Variants in NELL2 observed in about 807,000 individuals in gnomAD.
NELL2 encodes neural EGFL like 2, also known as protein kinase C-binding protein NELL2.
In NELL2, 41 loss-of-function variants were observed where a neutral mutation model predicts 109.6. The observed-to-expected ratio is 0.37, with a 90% CI of 0.29 to 0.49. NELL2 has a LOEUF of 0.49. NELL2 is among the 20% of genes least tolerant of loss of function. The pLI, the probability that NELL2 is intolerant of heterozygous loss-of-function variation, is 0.98. For missense variants in NELL2, 900 were observed against 1,008.3 expected (o/e 0.89, Z 1.45); for synonymous variants, 355 against 344.7 (o/e 1.03, Z -0.33).
At chr12:44,645,276 A>G (rs1947053621) in intron 13 of NELL2, among the ~76,000 whole-genome samples, 1 of 152,142 alleles carries the variant, frequency 6.6e-6, no homozygotes, top group South Asian at 2.1e-4. Context: ...CCAATTTTTT[A>G]CTTTTAAATT....
intron 3 of NELL2, among the ~76,000 whole-genome samples, chr12:44,795,512 C>T (rs569385704): frequency 7.2e-5 from 11 of 152,236 alleles, no homozygotes; most frequent in Non-Finnish European, 1.3e-4. Context: ...TAAATGGTAA[C>T]TATTTTTATT....
chr12:44,855,092 C>G (rs1944645594), intron 2 of NELL2, among the ~76,000 whole-genome samples: 1 of 152,112 alleles, frequency 6.6e-6, no homozygotes, highest in Admixed American at 6.6e-5. Flanking sequence ...ATATTTTATA[C>G]TAAGTCTTCA....
At chr12:44,619,602 G>A (rs1017360962) in intron 13 of NELL2, among the ~76,000 whole-genome samples, 1 of 147,454 alleles carries the variant, frequency 6.8e-6, no homozygotes, top group Non-Finnish European at 1.5e-5. Context: ...AGAGAAGGAA[G>A]AGGAGAAAGA....
chr12:44,605,152 C>T (rs1945352433), intron 15 of NELL2, among the ~76,000 whole-genome samples: 1 of 152,054 alleles, frequency 6.6e-6, no homozygotes, highest in Admixed American at 6.6e-5. Flanking sequence ...CCCAAAGAAA[C>T]ATACTGGGAT....
intron 9 of NELL2, among the ~76,000 whole-genome samples, chr12:44,746,895 T>A (rs1225822959): frequency 2.6e-5 from 4 of 152,200 alleles, no homozygotes; most frequent in Non-Finnish European, 4.4e-5. Flanking sequence ...GTGTGGCGAT[T>A]CTTCAGGGAT....
intron 15 of NELL2, among the ~76,000 whole-genome samples, chr12:44,533,257 C>T (rs1249196997): frequency 6.6e-6 from 1 of 152,122 alleles, no homozygotes; most frequent in Non-Finnish European, 1.5e-5. Context: ...CCTTACTTAC[C>T]TGGGATGGAC....
intron 1 of NELL2, among the ~76,000 whole-genome samples, chr12:44,890,609 C>T (rs567259636): frequency 1.3e-5 from 2 of 152,128 alleles, no homozygotes; most frequent in African/African-American, 2.4e-5. Flanking sequence ...TAGTCAATCA[C>T]GTCTATGTTT....
upstream of NELL2, among the ~76,000 whole-genome samples, chr12:44,915,143 G>A (rs1592720120): frequency 6.6e-6 from 1 of 152,210 alleles, no homozygotes. Context: ...GAGCCACCGC[G>A]CCTGGCCAAA....
intron 14 of NELL2, 43 bp from the exon 15 acceptor site, chr12:44,607,307 G>C (rs745771406): frequency 2.0e-6 from 3 of 1,533,308 alleles, no homozygotes; most frequent in Non-Finnish European, 2.7e-6. Flanking sequence ...TTAGAAGTAA[G>C]TAGTTTAATA....
chr12:44,907,909 T>C (rs1011553196), intron 1 of NELL2, among the ~76,000 whole-genome samples: 2 of 151,994 alleles, frequency 1.3e-5, no homozygotes, highest in Admixed American at 1.3e-4. Flanking sequence ...TTTTCAGGCA[T>C]CCTACAAGGC....
Position 44,768,667 on chromosome 12 carries a change from C to T in NELL2, c.994+6080G>A, listed in dbSNP as rs74857769. 2.6e-3 allele frequency among the ~76,000 whole-genome samples: 400 copies of T among 152,274 alleles called. 4 individuals carry two copies. Among genetic ancestry groups the T allele is most frequent in the African/African-American group, 8.7e-3 (363 of 41,572 alleles). On this transcript the variant is annotated intron_variant, in intron 9 of 19. Transcript: ENST00000429094. ...AATTTTTTGCTGTGTCATAAAATTC[C>T]TTATTCACTACAGACTTTCAAGAAA...
upstream of NELL2, among the ~76,000 whole-genome samples, chr12:44,916,537 T>A (rs1424245150): frequency 1.3e-5 from 2 of 152,194 alleles, no homozygotes; most frequent in Non-Finnish European, 2.9e-5. Flanking sequence ...GTGATTTTTT[T>A]AAGTTTCCTT....
At chr12:44,913,612 C>A (rs1237406901) in intron 1 of NELL2, among the ~76,000 whole-genome samples, 15 of 151,992 alleles carry the variant, frequency 9.9e-5, no homozygotes, top group Non-Finnish European at 2.2e-4. Context: ...GTGAATTTAG[C>A]AAAGAAATTC....
chr12:44,746,803 G>A (rs1203061722), intron 9 of NELL2, among the ~76,000 whole-genome samples: 1 of 152,096 alleles, frequency 6.6e-6, no homozygotes, highest in Non-Finnish European at 1.5e-5. Context: ...GAAACAACAG[G>A]TGCTGGAGAG....
intron 13 of NELL2, among the ~76,000 whole-genome samples, chr12:44,650,700 G>A (rs373669150): frequency 7.2e-5 from 11 of 152,086 alleles, no homozygotes; most frequent in Non-Finnish European, 1.2e-4. Flanking sequence ...AGGGTGGGGC[G>A]CTGATGCAAT....
chr12:44,516,539 G>A (rs1344174261), intron 19 of NELL2, among the ~76,000 whole-genome samples: 1 of 152,102 alleles, frequency 6.6e-6, no homozygotes, highest in East Asian at 1.9e-4. Flanking sequence ...TATAATTTTA[G>A]TTTACAATTA....
At chr12:44,598,681 C>A (rs1206857148) in intron 15 of NELL2, among the ~76,000 whole-genome samples, 1 of 152,072 alleles carries the variant, frequency 6.6e-6, no homozygotes, top group Admixed American at 6.6e-5. Context: ...TTATAACTGA[C>A]CTCATTGAAA....
intron 13 of NELL2, among the ~76,000 whole-genome samples, chr12:44,653,086 T>C (rs1300284154): frequency 1.3e-5 from 2 of 152,190 alleles, no homozygotes; most frequent in South Asian, 2.1e-4. Flanking sequence ...TAAGGTAGCA[T>C]ATTATTCACA....
chr12:44,671,704 G>C (rs753371187), intron 12 of NELL2, among the ~76,000 whole-genome samples: 1 of 152,208 alleles, frequency 6.6e-6, no homozygotes, highest in Non-Finnish European at 1.5e-5. Flanking sequence ...AACCTACCAA[G>C]ACTGAACCAG....
Sources: gnomAD v4.1 joint callset for allele counts (sites outside exome capture counted in the v4.1 genomes callset) on GRCh38, gnomAD v4.1.1 for gene constraint, MANE v1.5 for transcripts, NCBI Gene and HGNC (gene_info 2026-07-23, HGNC 2026-07-21) for gene names.